The following PDE1A variants were observed in gnomAD, a reference collection of about 807,000 sequenced individuals.
PDE1A encodes the protein dual specificity calcium/calmodulin-dependent 3',5'-cyclic nucleotide phosphodiesterase 1A.
In PDE1A, 35 loss-of-function variants were observed where a neutral mutation model predicts 61.7. The ratio of observed to expected loss-of-function variants is 0.57; its 90% CI spans 0.43 to 0.75. The LOEUF (loss-of-function observed/expected upper bound fraction) is 0.75. Ranked by LOEUF, PDE1A falls within the 30% of genes least tolerant of loss-of-function variation. The probability of loss-of-function intolerance (pLI) is 0.00; values close to 1 mark genes in which losing one functional copy is unlikely to be tolerated. For synonymous variants in PDE1A, 232 were observed against 213.2 expected, an observed-to-expected ratio of 1.09 and a Z score of -0.77; for missense variants, 597 against 630.6, an observed-to-expected ratio of 0.95 and a Z score of 0.57.
chr2:182,460,855 T>C (rs1471056325), intron 2 of PDE1A, among the ~76,000 whole-genome samples: 3 of 152,190 alleles, frequency 2.0e-5, no homozygotes, highest in Admixed American at 2.0e-4. Flanking sequence ...GTTATTGCTT[T>C]TAATGGCAAA....
At chr2:182,259,313 C>T in intron 2 of PDE1A, among the ~76,000 whole-genome samples, 1 of 152,120 alleles carries the variant, frequency 6.6e-6, no homozygotes, top group Non-Finnish European at 1.5e-5. Flanking sequence ...CCTTGGTGAC[C>T]AGTACCCGTT....
chr2:182,365,755 C>G (rs887905401), intron 1 of PDE1A, among the ~76,000 whole-genome samples: 2 of 151,994 alleles, frequency 1.3e-5, no homozygotes, highest in Non-Finnish European at 2.9e-5. Context: ...TTTGATTGAA[C>G]ATATGCTAAA....
the PDE1A span, among the ~76,000 whole-genome samples, chr2:182,647,563 G>A: frequency 6.6e-6 from 1 of 152,150 alleles, no homozygotes; most frequent in African/African-American, 2.4e-5. Context: ...ACAGACTATC[G>A]AGATAATCAG....
chr2:182,182,340 G>A (rs1363006181), intron 13 of PDE1A, among the ~76,000 whole-genome samples: 1 of 151,996 alleles, frequency 6.6e-6, no homozygotes, highest in African/African-American at 2.4e-5. Context: ...TGTATATCCA[G>A]AATCCAATCT....
the PDE1A span, among the ~76,000 whole-genome samples, chr2:182,655,163 G>A: frequency 6.6e-6 from 1 of 152,178 alleles, no homozygotes; most frequent in Non-Finnish European, 1.5e-5. Flanking sequence ...AGTGAATGAA[G>A]TGTCATCAGG....
chr2:182,458,833 C>T (rs1686088850), intron 2 of PDE1A, among the ~76,000 whole-genome samples: 1 of 152,072 alleles, frequency 6.6e-6, no homozygotes, highest in Non-Finnish European at 1.5e-5. Context: ...ATCATAAATT[C>T]CCACTAATTA....
At chr2:182,633,576 G>A in the PDE1A span, among the ~76,000 whole-genome samples, 1 of 152,176 alleles carries the variant, frequency 6.6e-6, no homozygotes, top group Admixed American at 6.5e-5. Flanking sequence ...TGTGACCTGA[G>A]TCATGGATTT....
At chr2:182,593,489 G>A in the PDE1A span, among the ~76,000 whole-genome samples, 1 of 152,150 alleles carries the variant, frequency 6.6e-6, no homozygotes, top group Non-Finnish European at 1.5e-5. Context: ...AGGAAATCTA[G>A]ACTAGTAGAT....
chr2:182,698,513 A>G, the PDE1A span, among the ~76,000 whole-genome samples: 1 of 152,228 alleles, frequency 6.6e-6, no homozygotes, highest in Non-Finnish European at 1.5e-5. Flanking sequence ...ATTATATACT[A>G]TAGCATTATT....
the PDE1A span, among the ~76,000 whole-genome samples, chr2:182,589,183 A>G: frequency 1.3e-5 from 2 of 149,546 alleles, no homozygotes; most frequent in East Asian, 2.0e-4. Flanking sequence ...TAGCAGAGGA[A>G]GAAGGGAAGA....
At chr2:182,518,072 T>C (rs1450465904) in intron 2 of PDE1A, among the ~76,000 whole-genome samples, 2 of 152,160 alleles carry the variant, frequency 1.3e-5, no homozygotes, top group African/African-American at 2.4e-5. Context: ...ATCAAGCTGG[T>C]ATACAGTGAC....
chr2:182,321,922 T>C (rs1041209458), intron 1 of PDE1A, among the ~76,000 whole-genome samples: 1 of 152,168 alleles, frequency 6.6e-6, no homozygotes, highest in Non-Finnish European at 1.5e-5. Context: ...TATTTTAATT[T>C]CTCTTCCAGC....
chr2:182,441,107 T>C (rs1684762511), intron 2 of PDE1A, among the ~76,000 whole-genome samples: 1 of 151,998 alleles, frequency 6.6e-6, no homozygotes, highest in Non-Finnish European at 1.5e-5. Flanking sequence ...TCATCTTACA[T>C]GGCAGCAGGC....
At chr2:182,199,345 T>TCAA (rs772913588) in intron 10 of PDE1A, among the ~76,000 whole-genome samples, 4 of 152,026 alleles carry the variant, frequency 2.6e-5, no homozygotes, top group African/African-American at 4.8e-5. Flanking sequence ...TATCCTTCCA[T>TCAA]CAACTTATTT....
At chr2:182,269,644 TGAG>T (rs1447272852) in intron 1 of PDE1A, among the ~76,000 whole-genome samples, 23 of 152,110 alleles carry the variant, frequency 1.5e-4, no homozygotes, top group African/African-American at 4.8e-4. Context: ...ATGCAATCAT[TGAG>T]GAGGAGGAGT....
the PDE1A span, among the ~76,000 whole-genome samples, chr2:182,558,954 A>G: frequency 6.6e-6 from 1 of 152,308 alleles, no homozygotes; most frequent in African/African-American, 2.4e-5. Flanking sequence ...CCTTGCCAGG[A>G]AACATATTCT....
chr2:182,439,787 T>C (rs1226802503), intron 2 of PDE1A, among the ~76,000 whole-genome samples: 1 of 152,036 alleles, frequency 6.6e-6, no homozygotes, highest in Non-Finnish European at 1.5e-5. Context: ...GAAATAAATA[T>C]GAAAGGAAGA....
intron 7 of PDE1A, among the ~76,000 whole-genome samples, chr2:182,212,413 G>A (rs192065789): frequency 5.4e-4 from 82 of 152,292 alleles, no homozygotes; most frequent in Non-Finnish European, 9.8e-4. Flanking sequence ...TTGGGGAGGA[G>A]CCAAGATGGC....
chr2:182,538,903 T>C, the PDE1A span, among the ~76,000 whole-genome samples: 1 of 152,206 alleles, frequency 6.6e-6, no homozygotes, highest in African/African-American at 2.4e-5. Context: ...AACATTCATG[T>C]CTCTGCCCTT....
Sources: allele counts gnomAD v4.1 joint callset (sites outside exome capture counted in the v4.1 genomes callset), GRCh38; gene constraint gnomAD v4.1.1; transcripts MANE v1.5; gene names NCBI Gene and HGNC (gene_info 2026-07-23, HGNC 2026-07-21).